Variants in AUTS2 observed in about 807,000 individuals in gnomAD.
AUTS2 encodes the protein activator of transcription and developmental regulator AUTS2, also known as autism susceptibility gene 2 protein.
Under a neutral mutation model 112.4 loss-of-function variants are expected in AUTS2, and 17 were observed. The ratio of observed to expected loss-of-function variants is 0.15; its 90% CI spans 0.10 to 0.23. The LOEUF is 0.23. Ranked by LOEUF, AUTS2 falls within the 10% of genes least tolerant of loss-of-function variation. AUTS2 has a pLI of 1.00. For synonymous variants in AUTS2, 751 were observed against 702.7 expected (o/e 1.07, Z -1.09); for missense variants, 1,510 against 1,701.6 (o/e 0.89, Z 1.98).
At chr7:70,050,624 G>A (rs1021468779) in intron 2 of AUTS2, among the ~76,000 whole-genome samples, 1 of 152,000 alleles carries the variant, frequency 6.6e-6, no homozygotes, top group South Asian at 2.1e-4. Context: ...CTGAATTTGG[G>A]GTTTGAAATA....
At chr7:70,060,904 C>T (rs73160128) in intron 2 of AUTS2, among the ~76,000 whole-genome samples, 269 of 152,300 alleles carry the variant, frequency 1.8e-3, no homozygotes, top group Non-Finnish European at 2.7e-3. Flanking sequence ...GTGGAGCCTG[C>T]CTGGTCCAGT....
intron 1 of AUTS2, among the ~76,000 whole-genome samples, chr7:69,682,444 C>G (rs1796841362): frequency 6.6e-6 from 1 of 152,120 alleles, no homozygotes; most frequent in South Asian, 2.1e-4. Context: ...TTATAAACAG[C>G]CTTCCAGGGT....
At chr7:70,046,389 A>G (rs945078663) in intron 2 of AUTS2, among the ~76,000 whole-genome samples, 1 of 152,242 alleles carries the variant, frequency 6.6e-6, no homozygotes, top group Non-Finnish European at 1.5e-5. Context: ...AGCACATGCT[A>G]GGATTCGCAC....
At chr7:70,679,307 T>C (rs921476953) in intron 5 of AUTS2, among the ~76,000 whole-genome samples, 14 of 152,224 alleles carry the variant, frequency 9.2e-5, no homozygotes, top group Admixed American at 9.2e-4. Flanking sequence ...GCCAGGAACG[T>C]TGTGGCCCAT....
intron 4 of AUTS2, among the ~76,000 whole-genome samples, chr7:70,258,052 A>G (rs1786974879): frequency 6.6e-6 from 1 of 152,174 alleles, no homozygotes; most frequent in East Asian, 1.9e-4. Flanking sequence ...GTGCCAATTT[A>G]CTATGCATGT....
intron 4 of AUTS2, among the ~76,000 whole-genome samples, chr7:70,176,930 T>TTTC (rs1226630001): frequency 6.6e-6 from 1 of 152,196 alleles, no homozygotes. Context: ...TATGAATTGT[T>TTTC]TTCTTAGTGT....
At position 70,345,864 on chromosome 7, in the gene AUTS2, G is replaced by T. The variant is rs377129534; in HGVS notation, c.661-89888G>T. 2.6e-5 allele frequency among the ~76,000 whole-genome samples: 4 copies of T among 152,112 alleles called. No individual in the cohort carries two copies. In the East Asian group the frequency reaches 7.7e-4, roughly 29 times the overall value. ...CTTCAAGCCTGATGATAACCTGTTG[G>T]TCAGATGCTCTGCCATTAACTAAAT... On this transcript the variant is annotated intron_variant, in intron 4 of 18. Coordinates refer to ENST00000342771, the MANE Select transcript of AUTS2 (RefSeq NM_015570.4).
chr7:70,557,694 C>G (rs1303339420), intron 5 of AUTS2, among the ~76,000 whole-genome samples: 1 of 152,228 alleles, frequency 6.6e-6, no homozygotes, highest in African/African-American at 2.4e-5. Context: ...GCTACTACAT[C>G]TCCTCACAGA....
intron 5 of AUTS2, among the ~76,000 whole-genome samples, chr7:70,679,689 G>T (rs1808105800): frequency 6.6e-6 from 1 of 151,990 alleles, no homozygotes; most frequent in African/African-American, 2.4e-5. Flanking sequence ...TTATTTGATT[G>T]TTGAGAAGTC....
intron 1 of AUTS2, among the ~76,000 whole-genome samples, chr7:69,763,386 A>G (rs535488910): frequency 5.3e-5 from 8 of 152,318 alleles, no homozygotes; most frequent in African/African-American, 1.4e-4. Context: ...TACATCTGTT[A>G]TAAGTGACTA....
chr7:70,554,225 C>A (rs374336987), intron 5 of AUTS2, among the ~76,000 whole-genome samples: 4 of 151,582 alleles, frequency 2.6e-5, no homozygotes, highest in Admixed American at 6.6e-5. Context: ...TGTACCACCA[C>A]GCCTGGCTAA....
intron 4 of AUTS2, among the ~76,000 whole-genome samples, chr7:70,412,761 G>C (rs193245588): frequency 3.7e-4 from 56 of 152,330 alleles, no homozygotes; most frequent in South Asian, 8.3e-4. Flanking sequence ...GGGAGGCTGA[G>C]GTGGGTGGAT....
chr7:70,517,100 T>C (rs981337932), intron 5 of AUTS2, among the ~76,000 whole-genome samples: 3 of 152,232 alleles, frequency 2.0e-5, no homozygotes, highest in African/African-American at 7.2e-5. Context: ...CCAGGACTTA[T>C]GCAGCATATC....
At chr7:69,905,751 G>A (rs574267140) in intron 2 of AUTS2, among the ~76,000 whole-genome samples, 53 of 152,032 alleles carry the variant, frequency 3.5e-4, no homozygotes, top group Non-Finnish European at 6.8e-4. Context: ...CAGTTCTCTA[G>A]GTATTCTTTA....
At chr7:70,758,902 T>C (rs555521488) in intron 6 of AUTS2, among the ~76,000 whole-genome samples, 1 of 34,252 alleles carries the variant, frequency 2.9e-5, no homozygotes, top group South Asian at 7.4e-4. Context: ...GCCACAAAAA[T>C]GCCTGACGCC....
chr7:69,795,753 C>G (rs1789814849), intron 1 of AUTS2, among the ~76,000 whole-genome samples: 1 of 152,170 alleles, frequency 6.6e-6, no homozygotes, highest in Non-Finnish European at 1.5e-5. Flanking sequence ...GCATATTAGT[C>G]TTCTCCATCT....
chr7:70,568,200 G>A (rs988498551), intron 5 of AUTS2, among the ~76,000 whole-genome samples: 1 of 152,116 alleles, frequency 6.6e-6, no homozygotes, highest in African/African-American at 2.4e-5. Context: ...GTCTTCTTGG[G>A]GAGACTGTTT....
intron 1 of AUTS2, among the ~76,000 whole-genome samples, chr7:69,683,650 ACTTTG>A (rs1796919707): frequency 6.6e-6 from 1 of 152,054 alleles, no homozygotes; most frequent in Admixed American, 6.6e-5. Flanking sequence ...TAATCCCAGC[ACTTTG>A]GGAGGCTGAG....
intron 5 of AUTS2, among the ~76,000 whole-genome samples, chr7:70,683,320 T>A (rs972363618): frequency 2.6e-5 from 4 of 152,228 alleles, no homozygotes; most frequent in Non-Finnish European, 4.4e-5. Flanking sequence ...TTGGCAGAGA[T>A]CTGGTCATTT....
Sources: allele counts gnomAD v4.1 joint callset (sites outside exome capture counted in the v4.1 genomes callset), GRCh38; gene constraint gnomAD v4.1.1; transcripts MANE v1.5; gene names NCBI Gene and HGNC (gene_info 2026-07-23, HGNC 2026-07-21).